Variants in ABCC6 observed in about 807,000 individuals in gnomAD.
ABCC6 encodes ATP binding cassette subfamily C member 6, also known as ATP-binding cassette sub-family C member 6.
ABCC6 carries 126 observed loss-of-function variants against 169.5 expected under a neutral mutation model. The observed-to-expected ratio is 0.74, with a 90% CI of 0.64 to 0.86. The LOEUF (loss-of-function observed/expected upper bound fraction) is 0.86. Among genes scored for constraint, ABCC6 ranks in the 40% least tolerant of loss-of-function variants. The pLI is 0.00. For synonymous variants in ABCC6, 752 were observed against 814.7 expected (o/e 0.92, Z 1.31); for missense variants, 1,733 against 1,927.2 (o/e 0.90, Z 1.89).
At chr16:16,207,150 T>C (rs913558153) in intron 7 of ABCC6, among the ~76,000 whole-genome samples, 4 of 152,110 alleles carry the variant, frequency 2.6e-5, no homozygotes, top group African/African-American at 9.7e-5. Flanking sequence ...GAGAGAGAAC[T>C]GATGTTTTGG....
chr16:16,174,489 G>A (rs1470322373), intron 20 of ABCC6, among the ~76,000 whole-genome samples: 3 of 152,164 alleles, frequency 2.0e-5, no homozygotes, highest in African/African-American at 7.2e-5. Context: ...AGGTGCAGTG[G>A]CTCACGCGTG....
At chr16:16,199,824 T>A (rs2048177824) in intron 9 of ABCC6, among the ~76,000 whole-genome samples, 1 of 150,084 alleles carries the variant, frequency 6.7e-6, no homozygotes, top group Non-Finnish European at 1.5e-5. Flanking sequence ...TCCCAGCACT[T>A]TGGGAGGCTG....
intron 6 of ABCC6, among the ~76,000 whole-genome samples, chr16:16,210,576 T>G (rs1408958753): frequency 1.3e-5 from 2 of 152,250 alleles, no homozygotes; most frequent in Admixed American, 6.5e-5. Flanking sequence ...ATTTTTCCTA[T>G]TTTAGCAGTG....
intron 4 of ABCC6, among the ~76,000 whole-genome samples, chr16:16,215,588 C>T (rs1272648708): frequency 6.6e-6 from 1 of 151,460 alleles, no homozygotes; most frequent in East Asian, 1.9e-4. Flanking sequence ...ATTCTCCTGC[C>T]TTAGCCTCCT....
chr16:16,178,986 G>A, intron 17 of ABCC6, 21 bp from the exon 18 acceptor site: 1 of 1,610,728 alleles, frequency 6.2e-7, no homozygotes, highest in Non-Finnish European at 8.5e-7. Flanking sequence ...AAAAGGAACA[G>A]TGGCCTGAGT....
chr16:16,181,976 TG>T (rs1326479252), intron 17 of ABCC6: 5 of 244,546 alleles, frequency 2.0e-5, no homozygotes, highest in Non-Finnish European at 2.4e-5. Context: ...GGGCTGGATT[TG>T]GCTTGGGGTC....
chr16:16,207,319 A>C (rs1465967996), intron 7 of ABCC6, among the ~76,000 whole-genome samples: 1 of 152,242 alleles, frequency 6.6e-6, no homozygotes, highest in East Asian at 1.9e-4. Flanking sequence ...GAGCCAGGCC[A>C]ATTAGAGGCC....
intron 12 of ABCC6, among the ~76,000 whole-genome samples, chr16:16,189,684 T>C (rs778603102): frequency 6.6e-5 from 10 of 152,142 alleles, no homozygotes; most frequent in Admixed American, 1.3e-4. Context: ...TCCCAAAGTA[T>C]TGGGACGACA....
chr16:16,159,650 G>C (rs1206289303), intron 25 of ABCC6, 67 bp from the exon 26 acceptor site: 2 of 1,465,268 alleles, frequency 1.4e-6, no homozygotes, highest in South Asian at 1.2e-5. Context: ...CAGCCCCCCT[G>C]GTTTCCCAAC....
chr16:16,193,736 TG>T (rs1364668428), intron 10 of ABCC6, among the ~76,000 whole-genome samples: 1 of 152,130 alleles, frequency 6.6e-6, no homozygotes, highest in Non-Finnish European at 1.5e-5. Context: ...AACAAACACT[TG>T]CTTTCACTTT....
At chr16:16,175,031 A>G (rs973732493) in intron 20 of ABCC6, among the ~76,000 whole-genome samples, 1 of 151,722 alleles carries the variant, frequency 6.6e-6, no homozygotes, top group African/African-American at 2.4e-5. Flanking sequence ...CACCCGCTTC[A>G]GTTTCCCAAA....
intron 4 of ABCC6, among the ~76,000 whole-genome samples, chr16:16,216,113 G>A (rs1165455337): frequency 6.6e-6 from 1 of 150,784 alleles, no homozygotes; most frequent in Non-Finnish European, 1.5e-5. Flanking sequence ...GTAGAGACAG[G>A]GTTTCACCAT....
intron 6 of ABCC6, among the ~76,000 whole-genome samples, chr16:16,210,828 TTATGCCTG>T (rs1426775187): frequency 6.6e-6 from 1 of 152,194 alleles, no homozygotes; most frequent in Non-Finnish European, 1.5e-5. Flanking sequence ...GTGCGGTGGC[TTATGCCTG>T]TAATCCCAGC....
At chr16:16,197,993 C>G in intron 10 of ABCC6, 28 bp downstream of exon 10, 1 of 1,609,492 alleles carries the variant, frequency 6.2e-7, no homozygotes, top group Non-Finnish European at 8.5e-7. Flanking sequence ...GGACTCCGTT[C>G]AAATCCCGTC....
Position 16,149,860 on chromosome 16 carries a change from A to G in ABCC6, c.*273T>C. On this transcript the variant is annotated 3_prime_UTR_variant, in exon 31 of 31. Coordinates refer to ENST00000205557, the MANE Select transcript of ABCC6 (RefSeq NM_001171.6). ...GCTTGAGGCCCCCAGGTGAGTCCAG[A>G]GTACAGCGGGGCTGAGAGTCGCTGT... is the stretch of plus-strand genomic sequence containing the variant. 1.8e-6 allele frequency: 1 copy of G among 552,294 alleles called. No homozygotes were observed. Among genetic ancestry groups the G allele is most frequent in the East Asian group, 3.2e-5 (1 of 31,658 alleles). 34.2% of individuals were successfully genotyped at this position (552,294 alleles called of 1,614,324 possible).
intron 14 of ABCC6, among the ~76,000 whole-genome samples, chr16:16,185,372 G>A (rs1220563409): frequency 6.6e-6 from 1 of 152,204 alleles, no homozygotes; most frequent in African/African-American, 2.4e-5. Context: ...TTGTGACAGA[G>A]ACTGTGTGGC....
rs762218474 is a variant in ABCC6, at chr16:16,221,772, C to T, written c.96G>A (p.Leu32=). ...AATSLLSLCF[L]RTAGVWVPPM... is the part of the protein sequence containing the mutation. ...GGGGTACCCAGACCCCTGCTGTTCT[C>T]AGGAAGCACAGGCTCAGCAGGCTGG... Residue 32 remains leucine (L), a synonymous_variant, in exon 2 of 31, where the codon CTG becomes CTA. Coordinates refer to ENST00000205557, the MANE Select transcript of ABCC6 (RefSeq NM_001171.6). 4.9e-5 allele frequency: 79 copies of T among 1,613,714 alleles called. No homozygotes were observed. Among genetic ancestry groups the T allele is most frequent in the Non-Finnish European group, 6.7e-5 (79 of 1,179,728 alleles).
At chr16:16,183,014 G>A in intron 15 of ABCC6, 84 bp from the exon 16 acceptor site, 1 of 1,605,966 alleles carries the variant, frequency 6.2e-7, no homozygotes, top group East Asian at 2.2e-5. Flanking sequence ...ACGGAGCTGA[G>A]CTTTCCTGCT....
intron 21 of ABCC6, among the ~76,000 whole-genome samples, chr16:16,170,793 C>T (rs1475211356): frequency 6.6e-6 from 1 of 151,686 alleles, no homozygotes; most frequent in African/African-American, 2.4e-5. Flanking sequence ...GTGGCAGGCA[C>T]CTGTAGTCCC....
Sources: gnomAD v4.1 joint callset for allele counts (sites outside exome capture counted in the v4.1 genomes callset) on GRCh38, gnomAD v4.1.1 for gene constraint, MANE v1.5 for transcripts, NCBI Gene and HGNC (gene_info 2026-07-23, HGNC 2026-07-21) for gene names.